ZNF536: variants seen among roughly 807,000 people sequenced by gnomAD.
ZNF536 encodes zinc finger protein 536.
Under a neutral mutation model 84.5 loss-of-function variants are expected in ZNF536, and 13 were observed. The ratio of observed to expected loss-of-function variants is 0.15; its 90% CI spans 0.10 to 0.24. ZNF536 has a LOEUF of 0.24. Ranked by LOEUF, ZNF536 falls within the 10% of genes least tolerant of loss-of-function variation. The pLI is 1.00. For missense variants in ZNF536, 1,536 were observed against 1,747.5 expected (o/e 0.88, Z 2.16); for synonymous variants, 811 against 742.5 (o/e 1.09, Z -1.50).
At chr19:30,321,937 C>T (rs752077189) in intron 2 of ZNF536, among the ~76,000 whole-genome samples, 17 of 151,932 alleles carry the variant, frequency 1.1e-4, no homozygotes, top group African/African-American at 9.7e-5. Flanking sequence ...CCACCATGCC[C>T]GGCTAATTTT....
At chr19:30,330,753 A>T (rs970151833) in intron 2 of ZNF536, among the ~76,000 whole-genome samples, 1 of 152,280 alleles carries the variant, frequency 6.6e-6, no homozygotes, top group Non-Finnish European at 1.5e-5. Context: ...TGGCCAGGGA[A>T]CTTCGAGGCA....
upstream of ZNF536, among the ~76,000 whole-genome samples, chr19:30,370,450 C>T (rs1271539265): frequency 1.3e-5 from 2 of 152,156 alleles, no homozygotes; most frequent in Admixed American, 1.3e-4. Context: ...AACAACCTCC[C>T]CTGACCATGA....
chr19:30,494,128 T>C (rs191543975), intron 2 of ZNF536, among the ~76,000 whole-genome samples: 363 of 152,344 alleles, frequency 2.4e-3, no homozygotes, highest in African/African-American at 8.5e-3. Flanking sequence ...ATTAGTTATA[T>C]GTAGAAACAT....
intron 1 of ZNF536, among the ~76,000 whole-genome samples, chr19:30,425,952 C>A (rs1447084831): frequency 6.6e-6 from 1 of 152,154 alleles, no homozygotes; most frequent in African/African-American, 2.4e-5. Context: ...AGCGAGAGTG[C>A]AGGAAGTCCC....
Position 30,632,637 on chromosome 19 carries a change from A to G in ZNF536, c.170-78120A>G, listed in dbSNP as rs928644191. Among the ~76,000 whole-genome samples the G allele has an allele frequency of 3.6e-5, 4 of 112,118 alleles. No individual in the cohort carries two copies. In the Admixed American group the frequency reaches 4.5e-4, roughly 13 times the overall value. The allele number at this position is 112,118 out of a possible 152,430, so 73.6% of individuals were successfully genotyped here. Reference sequence around the variant, plus strand: ...AACCAATCAACCAACCAACCAACCAACCAATCAACCAACAAACCAACCAAC... The same window carrying G: ...AACCAATCAACCAACCAACCAACCAGCCAATCAACCAACAAACCAACCAAC... On this transcript the variant is annotated intron_variant, in intron 1 of 1. Coordinates refer to the ZNF536 transcript ENST00000592773.
intron 2 of ZNF536, chr19:30,300,645 A>G (rs931873728): frequency 6.6e-6 from 1 of 152,196 alleles, no homozygotes; most frequent in African/African-American, 2.4e-5. Context: ...CAGTCAGTAT[A>G]TGTTTTATTA....
intron 1 of ZNF536, among the ~76,000 whole-genome samples, chr19:30,639,569 C>A (rs1344974832): frequency 6.6e-6 from 1 of 152,172 alleles, no homozygotes; most frequent in Non-Finnish European, 1.5e-5. Flanking sequence ...CTTTTGTTTC[C>A]AGTAGGCCAT....
chr19:30,581,392 A>C (rs1180027212), intron 1 of ZNF536, among the ~76,000 whole-genome samples: 11 of 152,134 alleles, frequency 7.2e-5, no homozygotes, highest in African/African-American at 2.4e-4. Flanking sequence ...CACAAGAATC[A>C]CTTGAACCCG....
At chr19:30,493,089 C>CAT (rs2054571691) in intron 2 of ZNF536, among the ~76,000 whole-genome samples, 1 of 71,578 alleles carries the variant, frequency 1.4e-5, no homozygotes, top group Non-Finnish European at 2.4e-5. Context: ...ATATTACTCA[C>CAT]TTTTTTTTTT....
chr19:30,628,669 T>C (rs560108762), intron 1 of ZNF536, among the ~76,000 whole-genome samples: 1 of 152,122 alleles, frequency 6.6e-6, no homozygotes, highest in Non-Finnish European at 1.5e-5. Context: ...GACCTCGTGA[T>C]CCACCCACCT....
chr19:30,410,465 CT>C (rs201561646), intron 1 of ZNF536, among the ~76,000 whole-genome samples: 153 of 122,540 alleles, frequency 1.2e-3, no homozygotes, highest in African/African-American at 5.4e-3. Flanking sequence ...AAGTGAAGGT[CT>C]TTTTTTTTTT....
chr19:30,356,574 C>T (rs555313399), intron 3 of ZNF536, among the ~76,000 whole-genome samples: 1 of 152,264 alleles, frequency 6.6e-6, no homozygotes, highest in South Asian at 2.1e-4. Flanking sequence ...GCATCATATT[C>T]GATCTTCACC....
At chr19:30,326,799 T>TTTG (rs1555721844) in intron 2 of ZNF536, among the ~76,000 whole-genome samples, 1 of 122,250 alleles carries the variant, frequency 8.2e-6, no homozygotes, top group African/African-American at 3.5e-5. Context: ...AGCTTTTTTT[T>TTTG]TTTTTTTTTT....
At chr19:30,591,572 T>C (rs1444445576) in intron 1 of ZNF536, among the ~76,000 whole-genome samples, 1 of 152,168 alleles carries the variant, frequency 6.6e-6, no homozygotes, top group African/African-American at 2.4e-5. Context: ...GGCCCTGCTC[T>C]TGACATGAGG....
At chr19:30,373,835 T>C (rs2048702145) in intron 1 of ZNF536, among the ~76,000 whole-genome samples, 1 of 152,204 alleles carries the variant, frequency 6.6e-6, no homozygotes, top group African/African-American at 2.4e-5. Context: ...CAGGATGATC[T>C]ACACACACGG....
At chr19:30,426,911 T>C (rs1446060301) in intron 1 of ZNF536, among the ~76,000 whole-genome samples, 1 of 152,182 alleles carries the variant, frequency 6.6e-6, no homozygotes, top group Non-Finnish European at 1.5e-5. Flanking sequence ...TTTGTCTGTG[T>C]GCATTATTTC....
At chr19:30,419,742 C>G (rs889337871) in intron 1 of ZNF536, among the ~76,000 whole-genome samples, 1 of 152,194 alleles carries the variant, frequency 6.6e-6, no homozygotes, top group Non-Finnish European at 1.5e-5. Context: ...CAGCACGCTC[C>G]GTCTCCTGAT....
chr19:30,246,452 T>C (rs556921096), intron 1 of ZNF536, among the ~76,000 whole-genome samples: 1 of 152,306 alleles, frequency 6.6e-6, no homozygotes, highest in East Asian at 1.9e-4. Context: ...TCTTTACTAG[T>C]TAAATAGAAA....
intron 1 of ZNF536, among the ~76,000 whole-genome samples, chr19:30,697,709 T>A (rs962454215): frequency 6.6e-6 from 1 of 152,236 alleles, no homozygotes; most frequent in Non-Finnish European, 1.5e-5. Flanking sequence ...GCTTGAATAA[T>A]GAAAAATGCT....
Sources: allele counts gnomAD v4.1 joint callset (sites outside exome capture counted in the v4.1 genomes callset), GRCh38; gene constraint gnomAD v4.1.1; transcripts MANE v1.5; gene names NCBI Gene and HGNC (gene_info 2026-07-23, HGNC 2026-07-21).